The following TLN2 variants were observed in gnomAD, a reference collection of about 807,000 sequenced individuals.
TLN2 encodes talin 2, also known as talin-2.
A neutral mutation model predicts 294.7 loss-of-function variants in TLN2; 118 were observed. The ratio of observed to expected loss-of-function variants is 0.40; its 90% CI spans 0.34 to 0.47. The LOEUF (loss-of-function observed/expected upper bound fraction) is 0.47. Among genes scored for constraint, TLN2 ranks in the 20% least tolerant of loss-of-function variants. The probability of loss-of-function intolerance (pLI) is 0.84; values close to 1 mark genes in which losing one functional copy is unlikely to be tolerated. For synonymous variants in TLN2, 1,431 were observed against 1,304.5 expected, an observed-to-expected ratio of 1.10 and a Z score of -2.09; for missense variants, 3,083 against 3,282.2, an observed-to-expected ratio of 0.94 and a Z score of 1.48.
chr15:62,632,551 A>G (rs2050005044), intron 3 of TLN2, among the ~76,000 whole-genome samples: 1 of 152,180 alleles, frequency 6.6e-6, no homozygotes, highest in South Asian at 2.1e-4. Flanking sequence ...GATCTACTAC[A>G]TGGCACCCGC....
intron 42 of TLN2, among the ~76,000 whole-genome samples, chr15:62,772,182 C>G (rs775485876): frequency 3.9e-5 from 6 of 152,058 alleles, no homozygotes; most frequent in Non-Finnish European, 7.4e-5. Context: ...ATCTCAAACT[C>G]CCGGCCTCGA....
intron 3 of TLN2, among the ~76,000 whole-genome samples, chr15:62,620,394 C>A (rs2048691719): frequency 6.6e-6 from 1 of 152,134 alleles, no homozygotes; most frequent in Non-Finnish European, 1.5e-5. Flanking sequence ...TAATCTGAAC[C>A]TTTGGAAATG....
chr15:62,746,945 T>C (rs2061647808), intron 32 of TLN2, among the ~76,000 whole-genome samples: 1 of 152,182 alleles, frequency 6.6e-6, no homozygotes. Context: ...TAAGACTTAG[T>C]GTAAAGCTAG....
At chr15:62,456,557 A>G (rs2036496037) in intron 1 of TLN2, among the ~76,000 whole-genome samples, 1 of 152,234 alleles carries the variant, frequency 6.6e-6, no homozygotes, top group Admixed American at 6.5e-5. Flanking sequence ...CATTGGGTAG[A>G]CTTAGGTAGT....
At chr15:62,830,245 G>C (rs544576322) in intron 54 of TLN2, 1 of 152,314 alleles carries the variant, frequency 6.6e-6, no homozygotes, top group South Asian at 2.1e-4. Flanking sequence ...TAACATCTCA[G>C]CTAAAGAGGG....
chr15:62,446,945 T>G (rs908966733), intron 1 of TLN2, among the ~76,000 whole-genome samples: 1 of 151,950 alleles, frequency 6.6e-6, no homozygotes, highest in African/African-American at 2.4e-5. Flanking sequence ...TTTCCCAAAC[T>G]CTAACGTGGA....
chr15:62,797,129 G>A, intron 47 of TLN2, 90 bp from the exon 48 acceptor site: 3 of 1,421,314 alleles, frequency 2.1e-6, no homozygotes, highest in Non-Finnish European at 2.9e-6. Context: ...TTTAACAAAA[G>A]CCCCATGTGA....
At chr15:62,491,251 T>C (rs1288328263) in intron 1 of TLN2, among the ~76,000 whole-genome samples, 1 of 151,258 alleles carries the variant, frequency 6.6e-6, no homozygotes, top group Admixed American at 6.6e-5. Flanking sequence ...TGCTTGAACC[T>C]GGGAGGTGGA....
chr15:62,408,512 A>G (rs919084488), intron 1 of TLN2, among the ~76,000 whole-genome samples: 1 of 152,234 alleles, frequency 6.6e-6, no homozygotes, highest in Non-Finnish European at 1.5e-5. Flanking sequence ...TGATACTACA[A>G]TGACCGTCTC....
At position 62,743,913 on chromosome 15, in the gene TLN2, C is replaced by A. The variant is rs375298609; in HGVS notation, c.4025+3144C>A. 2.6e-5 allele frequency among the ~76,000 whole-genome samples: 4 copies of A among 152,290 alleles called. No homozygotes were observed. In the East Asian group the frequency reaches 5.8e-4, roughly 22 times the overall value. On this transcript the variant is annotated intron_variant, in intron 32 of 58. Transcript: ENST00000636159. Reference sequence around the variant, plus strand: ...TAGGAACTCAAGGTAGCACCTGCCCCCCTGGCTCCCCTTTGGTCTGAGGTT... The same window carrying A: ...TAGGAACTCAAGGTAGCACCTGCCCACCTGGCTCCCCTTTGGTCTGAGGTT...
At chr15:62,822,556 A>G (rs1319277639) in intron 54 of TLN2, among the ~76,000 whole-genome samples, 1 of 152,190 alleles carries the variant, frequency 6.6e-6, no homozygotes, top group Non-Finnish European at 1.5e-5. Context: ...GACCACTGTC[A>G]CTCAGCTGGG....
At chr15:62,736,724 G>C (rs1267478777) in intron 28 of TLN2, among the ~76,000 whole-genome samples, 154 bp from the exon 29 acceptor site, 1 of 152,190 alleles carries the variant, frequency 6.6e-6, no homozygotes, top group African/African-American at 2.4e-5. Flanking sequence ...TCTGAAGCCA[G>C]CTACTTCTTT....
intron 11 of TLN2, among the ~76,000 whole-genome samples, chr15:62,677,585 CATT>C: frequency 6.6e-6 from 1 of 152,302 alleles, no homozygotes; most frequent in East Asian, 1.9e-4. Context: ...AAGATCTTCT[CATT>C]ATAGCAGGGT....
At chr15:62,695,002 T>G (rs1156841817) in intron 14 of TLN2, among the ~76,000 whole-genome samples, 1 of 152,208 alleles carries the variant, frequency 6.6e-6, no homozygotes, top group African/African-American at 2.4e-5. Context: ...ATTTCCATGG[T>G]AGTTACTAAT....
chr15:62,753,724 C>A, intron 35 of TLN2, 49 bp from the exon 36 acceptor site: 3 of 1,554,030 alleles, frequency 1.9e-6, no homozygotes, highest in East Asian at 2.3e-5. Flanking sequence ...CCAGCAGGCT[C>A]ACCTAGGAGC....
intron 11 of TLN2, 60 bp downstream of exon 11, chr15:62,675,381 A>G (rs912424006): frequency 1.3e-6 from 2 of 1,565,248 alleles, no homozygotes; most frequent in East Asian, 2.2e-5. Flanking sequence ...CTTTTGTTCA[A>G]GCGTTTGCTG....
At chr15:62,675,513 C>T (rs181540453) in intron 11 of TLN2, among the ~76,000 whole-genome samples, 192 bp downstream of exon 11, 143 of 152,286 alleles carry the variant, frequency 9.4e-4, no homozygotes, top group Non-Finnish European at 1.7e-3. Context: ...GGTGAGTGAG[C>T]GCTGCTGTCC....
chr15:62,432,507 A>T lies in TLN2; in HGVS notation c.-238+41822A>T, dbSNP rs1488657465. ...CCTAAACACCTCTCAACACTGTTGC[A>T]TTGGGGATTGTTTCTAACATATGAA... On this transcript the variant is annotated intron_variant, in intron 1 of 58. Transcript: ENST00000636159. Among the ~76,000 whole-genome samples the T allele has an allele frequency of 2.0e-5, 3 of 152,288 alleles. No homozygotes were observed. The South Asian group carries it at 6.2e-4, about 32-fold the overall frequency.
chr15:62,731,761 C>G (rs967439042), intron 28 of TLN2, among the ~76,000 whole-genome samples: 1 of 152,136 alleles, frequency 6.6e-6, no homozygotes, highest in South Asian at 2.1e-4. Context: ...CCCTCTTTAC[C>G]TTGGTGCCTT....
Sources: allele counts gnomAD v4.1 joint callset (sites outside exome capture counted in the v4.1 genomes callset), GRCh38; gene constraint gnomAD v4.1.1; transcripts MANE v1.5; gene names NCBI Gene and HGNC (gene_info 2026-07-23, HGNC 2026-07-21).